The following CMC2 variants were observed in gnomAD, a reference collection of about 807,000 sequenced individuals.
CMC2 encodes the protein COX assembly mitochondrial protein 2 homolog.
Under a neutral mutation model 7.5 loss-of-function variants are expected in CMC2, and 5 were observed. The observed-to-expected ratio is 0.66, with a 90% CI of 0.35 to 1.40. CMC2 has a LOEUF of 1.40. CMC2 is among the 40% of genes most tolerant of loss of function. CMC2 has a pLI of 0.04. For missense variants in CMC2, 115 were observed against 92.3 expected, an observed-to-expected ratio of 1.25 and a Z score of -1.01; for synonymous variants, 37 against 31.4, an observed-to-expected ratio of 1.18 and a Z score of -0.60.
At chr16:80,992,997 C>T (rs1255500663) in intron 2 of CMC2, among the ~76,000 whole-genome samples, 7 of 152,218 alleles carry the variant, frequency 4.6e-5, no homozygotes, top group African/African-American at 1.7e-4. Flanking sequence ...ACACTTTCCC[C>T]ACACCTAGGT....
chr16:80,978,483 G>A (rs544494651), intron 3 of CMC2: 11 of 813,946 alleles, frequency 1.4e-5, no homozygotes, highest in African/African-American at 1.3e-4. Context: ...AATACAGACA[G>A]AATGAAAGGC....
rs367801151 is a variant in CMC2, at chr16:81,002,813, G to C, written c.-36+3921C>G. On this transcript the variant is annotated intron_variant, in intron 1 of 3. Transcript: ENST00000219400. The stretch of plus-strand genomic sequence containing the variant: ...TACTTTGAATTGACAAATAATAATT[G>C]TATATATTTATAAGGCCCTTCTACT... Among the ~76,000 whole-genome samples the C allele has an allele frequency of 9.2e-5, 14 of 152,254 alleles. No homozygotes were observed. The East Asian group carries it at 2.3e-3, about 25-fold the overall frequency.
chr16:80,996,863 A>G, intron 2 of CMC2: 1 of 261,258 alleles, frequency 3.8e-6, no homozygotes, highest in South Asian at 3.7e-5. Context: ...AACTAAACAC[A>G]TCAGATTAAG....
Position 80,967,989 on chromosome 16 carries a change from G to C in CMC2, c.*8104C>G, listed in dbSNP as rs1911671350. The stretch of plus-strand genomic sequence containing the variant: ...TTTTCTCAAAAACTTAAATACAAAA[G>C]TTATTTGAGGAAACTGCTTAAAAAT... On this transcript the variant is annotated 3_prime_UTR_variant, in exon 4 of 4. Coordinates refer to ENST00000219400, the MANE Select transcript of CMC2 (RefSeq NM_020188.5). 8 of 151,710 alleles carry C rather than the reference G, an allele frequency of 5.3e-5. No homozygotes were observed. Among genetic ancestry groups the C allele is most frequent in the Admixed American group, 5.2e-4 (8 of 15,246 alleles). 9.4% of individuals were successfully genotyped at this position (151,710 alleles called of 1,614,324 possible).
intron 1 of CMC2, among the ~76,000 whole-genome samples, chr16:80,999,831 A>G (rs1449988671): frequency 6.6e-6 from 1 of 152,226 alleles, no homozygotes; most frequent in Non-Finnish European, 1.5e-5. Context: ...TGGTGCTGGG[A>G]TAGTTGGCTA....
chr16:80,986,933 T>G (rs1314178629), intron 2 of CMC2, among the ~76,000 whole-genome samples: 6 of 152,122 alleles, frequency 3.9e-5, no homozygotes, highest in Admixed American at 3.9e-4. Context: ...TGCAGGAAGG[T>G]GTAGCCTAGG....
chr16:80,989,527 GTTC>G (rs1040371776), intron 2 of CMC2, among the ~76,000 whole-genome samples: 5 of 152,252 alleles, frequency 3.3e-5, no homozygotes, highest in South Asian at 4.1e-4. Context: ...GATGTTGCAG[GTTC>G]TTCTTGTTCT....
At chr16:81,002,755 A>T (rs947610138) in intron 1 of CMC2, among the ~76,000 whole-genome samples, 1 of 152,168 alleles carries the variant, frequency 6.6e-6, no homozygotes, top group African/African-American at 2.4e-5. Context: ...TACCAATAAA[A>T]CGTCTTCCCT....
At position 81,004,821 on chromosome 16, in the gene CMC2, G is replaced by A. The variant is rs150563771; in HGVS notation, c.-36+1913C>T. On this transcript the variant is annotated intron_variant, in intron 1 of 3. Transcript: ENST00000219400. ...AGTCTAAGACAGATTTCAACCACCA[G>A]GTGGCACAATTTTAGAAAATAAACC... Among the ~76,000 whole-genome samples the A allele has an allele frequency of 1.8e-4, 27 of 152,296 alleles. No individual in the cohort carries two copies. In the East Asian group the frequency reaches 3.9e-3, roughly 22 times the overall value.
chr16:80,986,059 G>A (rs1332049510), intron 2 of CMC2, among the ~76,000 whole-genome samples: 1 of 152,156 alleles, frequency 6.6e-6, no homozygotes. Context: ...TTAAAAAGGT[G>A]ACAATGAGCC....
chr16:80,979,020 G>C (rs1167536941), intron 3 of CMC2, among the ~76,000 whole-genome samples: 3 of 152,072 alleles, frequency 2.0e-5, no homozygotes, highest in Non-Finnish European at 4.4e-5. Flanking sequence ...GGAGGAGCTT[G>C]CAGTGGGCTG....
At chr16:80,985,622 A>G (rs914240832) in intron 2 of CMC2, among the ~76,000 whole-genome samples, 1 of 152,136 alleles carries the variant, frequency 6.6e-6, no homozygotes, top group Non-Finnish European at 1.5e-5. Context: ...ATCCTAAATA[A>G]TGTTAAAAGA....
At position 80,968,383 on chromosome 16, in the gene CMC2, T is replaced by A. The variant is rs1419124479; in HGVS notation, c.*7710A>T. On this transcript the variant is annotated 3_prime_UTR_variant, in exon 4 of 4. Coordinates refer to ENST00000219400, the MANE Select transcript of CMC2 (RefSeq NM_020188.5). ...ACCCCACACGGCTGAGATTCTGCGT[T>A]GCTAACAAACTTTCCCGGGTTACGC... 1 of 152,244 alleles carries A rather than the reference T, an allele frequency of 6.6e-6. No homozygotes were observed. Among genetic ancestry groups the A allele is most frequent in the Non-Finnish European group, 1.5e-5 (1 of 68,068 alleles). The allele number at this position is 152,244 out of a possible 1,614,324, so 9.4% of individuals were successfully genotyped here. A position where few individuals can be genotyped will look rare whatever the true frequency, so the allele number is the denominator to read the frequency against.
At chr16:81,005,485 G>GCAT (rs1969218584) in intron 1 of CMC2, among the ~76,000 whole-genome samples, 1 of 82,356 alleles carries the variant, frequency 1.2e-5, no homozygotes, top group Non-Finnish European at 3.4e-5. Flanking sequence ...TTCGGCCCTG[G>GCAT]TATTAAAGAA....
At chr16:80,998,665 T>A (rs192316722) in intron 1 of CMC2, 15 of 152,186 alleles carry the variant, frequency 9.9e-5, no homozygotes, top group African/African-American at 3.4e-4. Flanking sequence ...ATGTGGTATA[T>A]ACATACAATG....
rs1239642168 is a variant in CMC2 at position 80,975,447 on chromosome 16, C to G, written c.*646G>C. ...TGGCCAACATGGCAAAACTCTGTCTCTACCAAAAATACAAAAACCAGCCAG... is the reference window on the plus strand; with the variant it reads ...TGGCCAACATGGCAAAACTCTGTCTGTACCAAAAATACAAAAACCAGCCAG... On this transcript the variant is annotated 3_prime_UTR_variant, in exon 4 of 4. Coordinates refer to ENST00000219400, the MANE Select transcript of CMC2 (RefSeq NM_020188.5). 6.6e-6 allele frequency: 1 copy of G among 152,270 alleles called. No homozygotes were observed. The highest frequency in any genetic ancestry group is 1.5e-5 in the Non-Finnish European group (1 of 68,114). 9.4% of individuals were successfully genotyped at this position (152,270 alleles called of 1,614,324 possible). A position where few individuals can be genotyped will look rare whatever the true frequency, so the allele number is the denominator to read the frequency against.
intron 3 of CMC2, among the ~76,000 whole-genome samples, chr16:80,977,989 T>G (rs555233417): frequency 1.3e-5 from 2 of 151,268 alleles, no homozygotes; most frequent in Admixed American, 6.6e-5. Context: ...GGAGAATCAC[T>G]TGAATCCAGA....
At chr16:80,994,579 A>C (rs747182558) in intron 2 of CMC2, among the ~76,000 whole-genome samples, 8 of 152,232 alleles carry the variant, frequency 5.3e-5, no homozygotes, top group Non-Finnish European at 8.8e-5. Flanking sequence ...ATGGCCAAAG[A>C]AGCACATGAA....
At chr16:81,005,945 GC>G (rs764357644) in intron 1 of CMC2, among the ~76,000 whole-genome samples, 5 of 152,152 alleles carry the variant, frequency 3.3e-5, no homozygotes, top group Non-Finnish European at 7.3e-5. Flanking sequence ...ACTAGTTCAG[GC>G]CTCAACGCAG....
Sources: allele counts gnomAD v4.1 joint callset (sites outside exome capture counted in the v4.1 genomes callset), GRCh38; gene constraint gnomAD v4.1.1; transcripts MANE v1.5; gene names NCBI Gene and HGNC (gene_info 2026-07-23, HGNC 2026-07-21).